CMC2: variants seen among roughly 807,000 people sequenced by gnomAD.
CMC2 encodes COX assembly mitochondrial protein 2 homolog.
In CMC2, 5 loss-of-function variants were observed where a neutral mutation model predicts 7.5. That is an observed-to-expected ratio of 0.66 (90% CI 0.35 to 1.40). The LOEUF (loss-of-function observed/expected upper bound fraction) is 1.40. CMC2 is among the 40% of genes most tolerant of loss of function. The probability of loss-of-function intolerance (pLI) is 0.04; values close to 1 mark genes in which losing one functional copy is unlikely to be tolerated. For missense variants in CMC2, 115 were observed against 92.3 expected (o/e 1.25, Z -1.01); for synonymous variants, 37 against 31.4 (o/e 1.18, Z -0.60).
At chr16:80,990,005 G>T (rs34277507) in intron 2 of CMC2, among the ~76,000 whole-genome samples, 2,697 of 152,128 alleles carry the variant, frequency 0.018, 48 homozygotes, top group East Asian at 0.053. Context: ...TTTCTTTAGT[G>T]TAATTAGATG....
In CMC2 at chr16:80,976,622, T is replaced by G. The variant is rs548698477; in HGVS notation, c.154-443A>C. Among the ~76,000 whole-genome samples the G allele has an allele frequency of 3.9e-5, 6 of 152,284 alleles. No individual in the cohort carries two copies. In the East Asian group the frequency reaches 5.8e-4, roughly 15 times the overall value. On this transcript the variant is annotated intron_variant, in intron 3 of 3. Coordinates refer to ENST00000219400, the MANE Select transcript of CMC2 (RefSeq NM_020188.5). The stretch of plus-strand genomic sequence containing the variant: ...TAGCCTGTCTAACTGTTGGGACAAT[T>G]CTACTCATTCCCAAGTTTTTCATTT...
At position 80,975,891 on chromosome 16, in the gene CMC2, C is replaced by T; in HGVS notation, c.*202G>A. On this transcript the variant is annotated 3_prime_UTR_variant, in exon 4 of 4. Coordinates refer to ENST00000219400, the MANE Select transcript of CMC2 (RefSeq NM_020188.5). ...AATAAACATGGTGAAGTCAGGTTTG[C>T]TGGTAAAGGGGAGACAGTACTAAAC... The T allele has an allele frequency of 2.2e-6, 1 of 464,076 alleles. No homozygotes were observed. Among genetic ancestry groups the T allele is most frequent in the Admixed American group, 3.8e-5 (1 of 26,004 alleles). 28.7% of individuals were successfully genotyped at this position (464,076 alleles called of 1,614,324 possible). A position where few individuals can be genotyped will look rare whatever the true frequency, so the allele number is the denominator to read the frequency against.
rs962731572 is a variant in CMC2, at chr16:80,975,247, C to T, written c.*846G>A. On this transcript the variant is annotated 3_prime_UTR_variant, in exon 4 of 4. Coordinates refer to ENST00000219400, the MANE Select transcript of CMC2 (RefSeq NM_020188.5). ...GGCACCTCGAGTGGACACATTCAACCAAATGGGAAAGCAAAGTCTGCTAAG... is the reference window on the plus strand; with the variant it reads ...GGCACCTCGAGTGGACACATTCAACTAAATGGGAAAGCAAAGTCTGCTAAG... 14 of 152,290 alleles carry T rather than the reference C, an allele frequency of 9.2e-5. No homozygotes were observed. Among genetic ancestry groups the T allele is most frequent in the African/African-American group, 3.4e-4 (14 of 41,456 alleles). The allele number at this position is 152,290 out of a possible 1,614,324, so 9.4% of individuals were successfully genotyped here.
intron 1 of CMC2, among the ~76,000 whole-genome samples, chr16:81,005,183 C>T (rs973260143): frequency 3.3e-5 from 5 of 152,218 alleles, no homozygotes; most frequent in African/African-American, 1.2e-4. Context: ...AATCCCACCA[C>T]TTCGGGAGGC....
At chr16:80,994,007 C>G (rs1204147851) in intron 2 of CMC2, among the ~76,000 whole-genome samples, 2 of 152,128 alleles carry the variant, frequency 1.3e-5, no homozygotes, top group African/African-American at 2.4e-5. Context: ...ACATATAAAT[C>G]AGTGAAACAG....
At position 80,972,659 on chromosome 16, in the gene CMC2, G is replaced by A. The variant is rs549274364; in HGVS notation, c.*3434C>T. 2 of 152,152 alleles carry A rather than the reference G, an allele frequency of 1.3e-5. No homozygotes were observed. Among genetic ancestry groups the A allele is most frequent in the Non-Finnish European group, 2.9e-5 (2 of 68,030 alleles). The allele number at this position is 152,152 out of a possible 1,614,324, so 9.4% of individuals were successfully genotyped here. A position where few individuals can be genotyped will look rare whatever the true frequency, so the allele number is the denominator to read the frequency against. ...ACATTCTGCAAAACTAGATTTCTCA[G>A]GAAAACCTTGGCCTAAGTTCTTCAG... On this transcript the variant is annotated 3_prime_UTR_variant, in exon 4 of 4. Transcript: ENST00000219400.
Position 80,976,049 on chromosome 16 carries a change from T to A in CMC2, c.*44A>T. 1 of 1,081,988 alleles carries A rather than the reference T, an allele frequency of 9.2e-7. No homozygotes were observed. Among genetic ancestry groups the A allele is most frequent in the Non-Finnish European group, 1.4e-6 (1 of 698,794 alleles). 67.0% of individuals were successfully genotyped at this position (1,081,988 alleles called of 1,614,324 possible). On this transcript the variant is annotated 3_prime_UTR_variant, in exon 4 of 4. Transcript: ENST00000219400. The stretch of plus-strand genomic sequence containing the variant: ...GATTCTTTCAGGTATCAACCCAGAG[T>A]CTTTAGGTCTTCTCTCAGCCAAGGC...
rs34779397 is a variant in CMC2, at chr16:80,997,371, G to A, written c.24C>T (p.His8=). 426 of 1,609,918 alleles carry A rather than the reference G, an allele frequency of 2.6e-4. 2 individuals carry two copies. The African/African-American group carries it at 5.0e-3, about 19-fold the overall frequency. ...AGACGTTGCATTCTTCAGTGTGCAA[G>A]TGTGGAGATAAGTCAGGATGCATCT... The part of the protein sequence containing the change: MHPDLSP[H]LHTEECNVLI... The change falls in exon 2 of 4, where the codon CAC becomes CAT. Residue 8 remains histidine (H), a synonymous_variant. Coordinates refer to ENST00000219400, the MANE Select transcript of CMC2 (RefSeq NM_020188.5).
chr16:80,995,133 G>A (rs1435273331), intron 2 of CMC2, among the ~76,000 whole-genome samples: 2 of 152,074 alleles, frequency 1.3e-5, no homozygotes, highest in Admixed American at 6.5e-5. Flanking sequence ...GTGACAGAGC[G>A]AGACTCTGTC....
intron 1 of CMC2, among the ~76,000 whole-genome samples, chr16:81,004,782 T>C (rs1212366963): frequency 6.6e-6 from 1 of 152,202 alleles, no homozygotes; most frequent in Non-Finnish European, 1.5e-5. Context: ...TGAGGTACAA[T>C]TTTCCTCAAG....
At chr16:80,993,878 C>T (rs1968203626) in intron 2 of CMC2, among the ~76,000 whole-genome samples, 1 of 151,976 alleles carries the variant, frequency 6.6e-6, no homozygotes, top group Non-Finnish European at 1.5e-5. Context: ...AATGAAAGTA[C>T]TTAGAATAGC....
At chr16:81,004,021 G>C (rs1056039460) in intron 1 of CMC2, among the ~76,000 whole-genome samples, 2 of 152,178 alleles carry the variant, frequency 1.3e-5, no homozygotes, top group Non-Finnish European at 1.5e-5. Flanking sequence ...TCAGGAGTTC[G>C]AGACCAGCCT....
intron 2 of CMC2, among the ~76,000 whole-genome samples, chr16:80,994,768 G>C (rs1968272292): frequency 6.6e-6 from 1 of 152,148 alleles, no homozygotes; most frequent in Non-Finnish European, 1.5e-5. Flanking sequence ...CTTTTATGAA[G>C]GTACATATAC....
intron 2 of CMC2, chr16:80,982,981 G>A (rs928679061): frequency 5.3e-6 from 1 of 188,676 alleles, no homozygotes; most frequent in East Asian, 1.6e-4. Flanking sequence ...ATGTACTGTA[G>A]ATTGAGGTCT....
Position 80,973,772 on chromosome 16 carries a change from TCATTG to T in CMC2, c.*2316_*2320del, listed in dbSNP as rs1912092992. The T allele has an allele frequency of 6.6e-6, 1 of 152,182 alleles. No individual in the cohort carries two copies. The highest frequency in any genetic ancestry group is 2.1e-4 in the South Asian group (1 of 4,830). 9.4% of individuals were successfully genotyped at this position (152,182 alleles called of 1,614,324 possible). ...TCCTAGAGGAAGCTGGAAAGGTAGA[TCATTG>T]CCATAGCCTTCAGTGTGTACTTTAC... On this transcript the variant is annotated 3_prime_UTR_variant, in exon 4 of 4. Coordinates refer to ENST00000219400, the MANE Select transcript of CMC2 (RefSeq NM_020188.5).
At chr16:80,978,072 C>CAAAAAA (rs57080796) in intron 3 of CMC2, among the ~76,000 whole-genome samples, 49 of 145,412 alleles carry the variant, frequency 3.4e-4, no homozygotes, top group African/African-American at 9.5e-4. Context: ...GACTTCGTCT[C>CAAAAAA]AAAAAAAAAG....
chr16:80,987,362 T>C (rs1967624658), intron 2 of CMC2, among the ~76,000 whole-genome samples: 1 of 152,220 alleles, frequency 6.6e-6, no homozygotes, highest in Admixed American at 6.5e-5. Context: ...AGTGAGTTTA[T>C]CTCTGGATGG....
chr16:81,005,000 G>C (rs1051256711), intron 1 of CMC2, among the ~76,000 whole-genome samples: 1 of 152,152 alleles, frequency 6.6e-6, no homozygotes, highest in Non-Finnish European at 1.5e-5. Context: ...GGCTGCACAG[G>C]AAATTTACAC....
At position 80,967,067 on chromosome 16, in the gene CMC2, GAA is replaced by G. The variant is rs1911605214; in HGVS notation, c.*9024_*9025del. On this transcript the variant is annotated 3_prime_UTR_variant, in exon 4 of 4. Transcript: ENST00000219400. ...TTCACTAAAAATTCATTCATTCAGTGAAAAAGCATTTATTGAATACCAATTAT... is the reference window on the plus strand; with the variant it reads ...TTCACTAAAAATTCATTCATTCAGTGAAAGCATTTATTGAATACCAATTAT... 1 of 152,124 alleles carries G rather than the reference GAA, an allele frequency of 6.6e-6. No individual in the cohort carries two copies. Among genetic ancestry groups the G allele is most frequent in the Non-Finnish European group, 1.5e-5 (1 of 68,022 alleles). The allele number at this position is 152,124 out of a possible 1,614,324, so 9.4% of individuals were successfully genotyped here. A position where few individuals can be genotyped will look rare whatever the true frequency, so the allele number is the denominator to read the frequency against.
Sources: allele counts gnomAD v4.1 joint callset (sites outside exome capture counted in the v4.1 genomes callset), GRCh38; gene constraint gnomAD v4.1.1; transcripts MANE v1.5; gene names NCBI Gene and HGNC (gene_info 2026-07-23, HGNC 2026-07-21).